Variants in ANKS1B observed in about 807,000 individuals in gnomAD.
The protein encoded by ANKS1B is ankyrin repeat and sterile alpha motif domain-containing protein 1B.
In ANKS1B, 36 loss-of-function variants were observed where a neutral mutation model predicts 148.3. That is an observed-to-expected ratio of 0.24 (90% CI 0.19 to 0.32). The LOEUF (loss-of-function observed/expected upper bound fraction) is 0.32, where lower values mean the gene tolerates loss of function less well. Ranked by LOEUF, ANKS1B falls within the 10% of genes least tolerant of loss-of-function variation. ANKS1B has a pLI of 1.00. For synonymous variants in ANKS1B, 542 were observed against 560.8 expected (o/e 0.97, Z 0.47); for missense variants, 1,157 against 1,542.6 (o/e 0.75, Z 4.19).
Position 99,191,115 on chromosome 12 carries a change from C to T in ANKS1B, c.2420-36720G>A, listed in dbSNP as rs139227122. ...GAAAAAAAGCTATAATCACTGGTCA[C>T]TAGAGAAATGCAAATCAAAACCACA... is the stretch of plus-strand genomic sequence containing the variant. On this transcript the variant is annotated intron_variant, in intron 14 of 26. Coordinates refer to ENST00000683438, the MANE Select transcript of ANKS1B (RefSeq NM_001352186.2). Among the ~76,000 whole-genome samples the T allele has an allele frequency of 7.9e-3, 1,209 of 152,116 alleles. 20 individuals are homozygous for T. The highest frequency in any genetic ancestry group is 0.028 in the African/African-American group (1,161 of 41,502).
At chr12:99,023,292 A>G (rs1346960690) in intron 17 of ANKS1B, among the ~76,000 whole-genome samples, 2 of 151,794 alleles carry the variant, frequency 1.3e-5, no homozygotes, top group East Asian at 3.9e-4. Context: ...CAGCTTTCTT[A>G]TTTCTGAATT....
rs138648065 is a variant in ANKS1B at position 99,193,462 on chromosome 12, T to G, written c.2420-39067A>C. Among the ~76,000 whole-genome samples the G allele has an allele frequency of 4.0e-3, 606 of 152,316 alleles. 4 individuals carry two copies. The highest frequency in any genetic ancestry group is 0.014 in the African/African-American group (590 of 41,574). ...TCCACTTTTTGTCCAATTATACATC[T>G]ACACAACTGTTCATTCTTCATTAAA... On this transcript the variant is annotated intron_variant, in intron 14 of 26. Coordinates refer to ENST00000683438, the MANE Select transcript of ANKS1B (RefSeq NM_001352186.2).
chr12:99,362,608 CTTGAATT>C (rs2092548601), intron 12 of ANKS1B, among the ~76,000 whole-genome samples: 1 of 151,942 alleles, frequency 6.6e-6, no homozygotes. Context: ...TAAACAAGAA[CTTGAATT>C]TTTTATTACG....
chr12:99,150,050 A>T (rs1049822117), intron 15 of ANKS1B, among the ~76,000 whole-genome samples: 4 of 152,130 alleles, frequency 2.6e-5, no homozygotes, highest in African/African-American at 9.7e-5. Context: ...CCTAGTACTT[A>T]ACACTGTCTC....
chr12:99,642,008 C>T (rs1392687), intron 9 of ANKS1B, among the ~76,000 whole-genome samples: 103,936 of 151,972 alleles, frequency 0.68, 35,899 homozygotes, highest in African/African-American at 0.78. Flanking sequence ...AGACAAGGAA[C>T]GTTAAGTGCT....
At chr12:99,371,753 A>G (rs1313894216) in intron 12 of ANKS1B, among the ~76,000 whole-genome samples, 2 of 152,134 alleles carry the variant, frequency 1.3e-5, no homozygotes, top group African/African-American at 4.8e-5. Flanking sequence ...TTAAGCTCTA[A>G]TTATTAAGGA....
intron 16 of ANKS1B, among the ~76,000 whole-genome samples, chr12:99,057,545 T>C (rs1201370223): frequency 6.6e-6 from 1 of 152,216 alleles, no homozygotes; most frequent in Admixed American, 6.5e-5. Context: ...CCGACAGTTA[T>C]TTTTTAGAAA....
intron 15 of ANKS1B, among the ~76,000 whole-genome samples, chr12:99,087,606 C>T (rs1044477129): frequency 1.3e-5 from 2 of 152,092 alleles, no homozygotes; most frequent in Admixed American, 6.6e-5. Context: ...ATGGCATGAG[C>T]GAGATATGTG....
intron 17 of ANKS1B, among the ~76,000 whole-genome samples, chr12:98,916,648 T>C (rs1403085418): frequency 6.6e-6 from 1 of 152,248 alleles, no homozygotes; most frequent in Non-Finnish European, 1.5e-5. Flanking sequence ...ATCGACAGCA[T>C]AAGCCATCAA....
intron 14 of ANKS1B, among the ~76,000 whole-genome samples, chr12:99,238,858 G>C (rs2153961607): frequency 6.6e-6 from 1 of 152,256 alleles, no homozygotes; most frequent in Non-Finnish European, 1.5e-5. Context: ...AAACAGAAAG[G>C]AATAGCATCT....
intron 17 of ANKS1B, among the ~76,000 whole-genome samples, chr12:98,967,696 C>T (rs1442355119): frequency 8.0e-6 from 1 of 125,044 alleles, no homozygotes; most frequent in Non-Finnish European, 1.6e-5. Flanking sequence ...ATTTACTGTG[C>T]CTTTTTAAAA....
Position 99,682,669 on chromosome 12 carries a change from A to G in ANKS1B, c.1129-27459T>C, listed in dbSNP as rs1230247713. On this transcript the variant is annotated intron_variant, in intron 8 of 26. Coordinates refer to ENST00000683438, the MANE Select transcript of ANKS1B (RefSeq NM_001352186.2). The stretch of plus-strand genomic sequence containing the variant: ...TCAAAGAGTCTGAAAGAGCACATAT[A>G]GACAATCTAAGGTCACACTTCAAGG... Among the ~76,000 whole-genome samples, 3 of 152,292 alleles carry G rather than the reference A, an allele frequency of 2.0e-5. No homozygotes were observed. The East Asian group carries it at 5.8e-4, about 29-fold the overall frequency.
chr12:99,579,897 C>T (rs1488163435), intron 9 of ANKS1B, among the ~76,000 whole-genome samples: 1 of 152,096 alleles, frequency 6.6e-6, no homozygotes, highest in Non-Finnish European at 1.5e-5. Flanking sequence ...AAAATGTACA[C>T]TCATATGTTC....
intron 9 of ANKS1B, among the ~76,000 whole-genome samples, chr12:99,653,392 GA>G (rs760728798): frequency 1.4e-4 from 22 of 152,106 alleles, no homozygotes; most frequent in Non-Finnish European, 2.6e-4. Context: ...TTTATGAGGG[GA>G]AAATAGGTTA....
chr12:99,515,513 T>C (rs913657464), intron 9 of ANKS1B, among the ~76,000 whole-genome samples: 3 of 152,124 alleles, frequency 2.0e-5, no homozygotes, highest in African/African-American at 7.2e-5. Flanking sequence ...GGATCTCTCT[T>C]TTACGGTTGA....
chr12:99,018,872 GGCAGAGGTT>G (rs1192812051), intron 17 of ANKS1B, among the ~76,000 whole-genome samples: 1 of 152,176 alleles, frequency 6.6e-6, no homozygotes, highest in African/African-American at 2.4e-5. Context: ...GAACCCGGGA[GGCAGAGGTT>G]GCAGTGAACT....
intron 1 of ANKS1B, among the ~76,000 whole-genome samples, chr12:99,831,821 A>C (rs1478968392): frequency 6.6e-6 from 1 of 152,204 alleles, no homozygotes; most frequent in Non-Finnish European, 1.5e-5. Context: ...GTTTTATACA[A>C]TGGCTCAATA....
chr12:98,770,505 G>A (rs953108741), intron 25 of ANKS1B, among the ~76,000 whole-genome samples: 11 of 152,268 alleles, frequency 7.2e-5, no homozygotes, highest in African/African-American at 2.2e-4. Context: ...GCAAACAAAC[G>A]CTTCCTGAGA....
At chr12:99,731,731 A>G (rs975979390) in intron 8 of ANKS1B, among the ~76,000 whole-genome samples, 2 of 152,188 alleles carry the variant, frequency 1.3e-5, no homozygotes, top group Non-Finnish European at 2.9e-5. Flanking sequence ...AGGAAGAATT[A>G]TTTGTAATTT....
Sources: gnomAD v4.1 joint callset for allele counts (sites outside exome capture counted in the v4.1 genomes callset) on GRCh38, gnomAD v4.1.1 for gene constraint, MANE v1.5 for transcripts, NCBI Gene and HGNC (gene_info 2026-07-23, HGNC 2026-07-21) for gene names.